The following OLA1 variants were observed in gnomAD, a reference collection of about 807,000 sequenced individuals.
OLA1 encodes the protein Obg like ATPase 1.
A neutral mutation model predicts 48.4 loss-of-function variants in OLA1; 14 were observed. The ratio of observed to expected loss-of-function variants is 0.29; its 90% CI spans 0.19 to 0.45. The LOEUF (loss-of-function observed/expected upper bound fraction) is 0.45, where lower values mean the gene tolerates loss of function less well. Among genes scored for constraint, OLA1 ranks in the 20% least tolerant of loss-of-function variants. OLA1 has a pLI of 1.00. For synonymous variants in OLA1, 127 were observed against 150.4 expected (o/e 0.84, Z 1.14); for missense variants, 325 against 467.1 (o/e 0.70, Z 2.80).
chr2:174,230,264 T>C (rs1250484619), intron 2 of OLA1, among the ~76,000 whole-genome samples: 1 of 151,908 alleles, frequency 6.6e-6, no homozygotes, highest in African/African-American at 2.4e-5. Context: ...CAGAGTAAAA[T>C]CCAAAACAAA....
At chr2:174,233,419 G>A (rs1380433411) in intron 2 of OLA1, among the ~76,000 whole-genome samples, 6 of 152,188 alleles carry the variant, frequency 3.9e-5, no homozygotes, top group Admixed American at 3.9e-4. Context: ...CTGTCACCCG[G>A]CTAGAGTGCA....
intron 2 of OLA1, among the ~76,000 whole-genome samples, chr2:174,232,834 C>T (rs1027577779): frequency 1.3e-5 from 2 of 152,138 alleles, no homozygotes; most frequent in Non-Finnish European, 2.9e-5. Flanking sequence ...AATTACCATA[C>T]GATCCAGCAA....
chr2:174,224,006 G>T (rs1045396275), intron 3 of OLA1, among the ~76,000 whole-genome samples: 1 of 152,060 alleles, frequency 6.6e-6, no homozygotes, highest in East Asian at 1.9e-4. Flanking sequence ...TATGACAAAG[G>T]TATATATAAT....
At chr2:174,081,624 T>G (rs556384419) in intron 8 of OLA1, among the ~76,000 whole-genome samples, 1 of 152,196 alleles carries the variant, frequency 6.6e-6, no homozygotes, top group South Asian at 2.1e-4. Context: ...TGGCAACTGA[T>G]TCACCCTTTC....
chr2:174,173,659 G>A (rs1687356951), intron 4 of OLA1, among the ~76,000 whole-genome samples: 1 of 149,732 alleles, frequency 6.7e-6, no homozygotes. Context: ...TAAAAGATAT[G>A]AGAACAAACT....
At chr2:174,118,561 C>G (rs927753842) in intron 7 of OLA1, among the ~76,000 whole-genome samples, 1 of 152,140 alleles carries the variant, frequency 6.6e-6, no homozygotes, top group African/African-American at 2.4e-5. Context: ...TCCTAAGGAA[C>G]ACTTAATTTT....
intron 7 of OLA1, among the ~76,000 whole-genome samples, chr2:174,103,411 G>A (rs1685443286): frequency 6.6e-6 from 1 of 152,166 alleles, no homozygotes; most frequent in South Asian, 2.1e-4. Context: ...GTCTATGGCT[G>A]CTTTTGCATT....
At chr2:174,145,492 G>A (rs1052325557) in intron 4 of OLA1, among the ~76,000 whole-genome samples, 3 of 152,054 alleles carry the variant, frequency 2.0e-5, no homozygotes, top group Admixed American at 2.0e-4. Context: ...TGCAACGCTC[G>A]ATGAGAAAGT....
At chr2:174,084,588 T>C (rs1466197267) in intron 7 of OLA1, among the ~76,000 whole-genome samples, 1 of 152,208 alleles carries the variant, frequency 6.6e-6, no homozygotes, top group East Asian at 1.9e-4. Context: ...ATCTATTAGG[T>C]CTGATGGTTA....
intron 5 of OLA1, among the ~76,000 whole-genome samples, chr2:174,126,534 G>A (rs931594368): frequency 4.6e-5 from 7 of 152,154 alleles, no homozygotes; most frequent in African/African-American, 1.7e-4. Context: ...TTTTCGGTTA[G>A]ACTGCAGTTA....
intron 1 of OLA1, chr2:174,247,719 G>A: frequency 6.4e-7 from 1 of 1,551,128 alleles, no homozygotes; most frequent in Admixed American, 2.0e-5. Flanking sequence ...GGCACTGAAG[G>A]TACGGCTCAT....
At chr2:174,242,019 T>C (rs1309254603) in intron 2 of OLA1, among the ~76,000 whole-genome samples, 1 of 152,234 alleles carries the variant, frequency 6.6e-6, no homozygotes, top group Non-Finnish European at 1.5e-5. Flanking sequence ...TAAATTCTTG[T>C]GACTAAATTC....
At chr2:174,200,870 A>C (rs1209490303) in intron 4 of OLA1, among the ~76,000 whole-genome samples, 1 of 152,188 alleles carries the variant, frequency 6.6e-6, no homozygotes, top group African/African-American at 2.4e-5. Flanking sequence ...GTAACCCTTA[A>C]ATACAATTGT....
intron 4 of OLA1, among the ~76,000 whole-genome samples, chr2:174,166,733 C>T (rs1009297803): frequency 3.3e-5 from 5 of 152,140 alleles, no homozygotes; most frequent in Non-Finnish European, 7.4e-5. Flanking sequence ...AAGTGAAAAT[C>T]ATAACTATTA....
chr2:174,182,577 T>TATACC (rs1687574177), intron 4 of OLA1, among the ~76,000 whole-genome samples: 1 of 152,190 alleles, frequency 6.6e-6, no homozygotes, highest in East Asian at 1.9e-4. Flanking sequence ...CTCTTTCAAT[T>TATACC]TCTGTGAGGT....
intron 7 of OLA1, among the ~76,000 whole-genome samples, chr2:174,105,214 G>A (rs956101916): frequency 6.6e-6 from 1 of 151,740 alleles, no homozygotes; most frequent in Non-Finnish European, 1.5e-5. Flanking sequence ...GAAAAAGAAG[G>A]GAAAAACTAC....
intron 4 of OLA1, among the ~76,000 whole-genome samples, chr2:174,201,788 T>C (rs538308825): frequency 6.6e-6 from 1 of 152,178 alleles, no homozygotes; most frequent in African/African-American, 2.4e-5. Context: ...ATTCGTATCA[T>C]GTAATGGGAA....
At chr2:174,189,436 G>A (rs1238998218) in intron 4 of OLA1, among the ~76,000 whole-genome samples, 3 of 151,946 alleles carry the variant, frequency 2.0e-5, no homozygotes, top group African/African-American at 7.3e-5. Flanking sequence ...TAGGTGTTAA[G>A]AAATTTAAAA....
In OLA1 at chr2:174,136,784, G is replaced by A. The variant is rs370113211; in HGVS notation, c.549+5041C>T. The stretch of plus-strand genomic sequence containing the variant: ...CCTCCCAGGTTCAAGCAATTCTCCT[G>A]CCTCAGCCTCTCGAGTAGCTAGGAT... On this transcript the variant is annotated intron_variant, in intron 5 of 10. Coordinates refer to ENST00000284719, the MANE Select transcript of OLA1 (RefSeq NM_013341.5). Among the ~76,000 whole-genome samples the A allele has an allele frequency of 9.8e-4, 149 of 151,636 alleles. 1 individual carries two copies. Among genetic ancestry groups the A allele is most frequent in the South Asian group, 5.4e-3 (26 of 4,798 alleles).
Sources: allele counts gnomAD v4.1 joint callset (sites outside exome capture counted in the v4.1 genomes callset), GRCh38; gene constraint gnomAD v4.1.1; transcripts MANE v1.5; gene names NCBI Gene and HGNC (gene_info 2026-07-23, HGNC 2026-07-21).